The following DNAH6 variants were observed in gnomAD, a reference collection of about 807,000 sequenced individuals.
DNAH6 encodes axonemal beta dynein heavy chain 6.
In DNAH6, 340 loss-of-function variants were observed where a neutral mutation model predicts 491.4. The ratio of observed to expected loss-of-function variants is 0.69; its 90% CI spans 0.63 to 0.76. The LOEUF is 0.76. DNAH6 is among the 30% of genes least tolerant of loss of function. DNAH6 has a pLI of 0.00. For missense variants in DNAH6, 4,443 were observed against 4,972.2 expected, an observed-to-expected ratio of 0.89 and a Z score of 3.20; for synonymous variants, 1,603 against 1,686.1, an observed-to-expected ratio of 0.95 and a Z score of 1.21.
At chr2:84,553,445 C>A (rs1247201513) in intron 10 of DNAH6, among the ~76,000 whole-genome samples, 3 of 135,130 alleles carry the variant, frequency 2.2e-5, no homozygotes, top group Non-Finnish European at 1.6e-5. Context: ...TTTTCTCTTT[C>A]TCTCTCTCTT....
chr2:84,684,148 A>T (rs1005395573), intron 42 of DNAH6, among the ~76,000 whole-genome samples: 22 of 152,160 alleles, frequency 1.4e-4, no homozygotes, highest in Admixed American at 1.2e-3. Context: ...CTCTTCCTCC[A>T]CTGAAATCTT....
At chr2:84,674,931 A>G (rs893607690) in intron 40 of DNAH6, among the ~76,000 whole-genome samples, 1 of 152,142 alleles carries the variant, frequency 6.6e-6, no homozygotes, top group Non-Finnish European at 1.5e-5. Context: ...CTCCCTGCAC[A>G]TGCCCCACAG....
intron 71 of DNAH6, 50 bp downstream of exon 71, chr2:84,805,844 A>T (rs772133271): frequency 6.7e-7 from 1 of 1,501,322 alleles, no homozygotes; most frequent in South Asian, 1.3e-5. Context: ...TTAGGAATAA[A>T]CTCAGAGAAC....
intron 14 of DNAH6, among the ~76,000 whole-genome samples, chr2:84,583,353 A>T (rs1351400873): frequency 1.3e-5 from 2 of 152,218 alleles, no homozygotes; most frequent in African/African-American, 4.8e-5. Context: ...GAAAACTTTA[A>T]ATATTGGCAC....
intron 15 of DNAH6, 135 bp downstream of exon 15, chr2:84,584,385 A>G: frequency 1.1e-6 from 1 of 893,054 alleles, no homozygotes; most frequent in Non-Finnish European, 1.6e-6. Flanking sequence ...ATACGTATAC[A>G]TTGTGAAATT....
chr2:84,695,784 A>G (rs1252123944), intron 46 of DNAH6, among the ~76,000 whole-genome samples: 4 of 152,066 alleles, frequency 2.6e-5, no homozygotes, highest in Admixed American at 6.5e-5. Context: ...TAAAATTAAG[A>G]TATTTCTGAT....
chr2:84,588,245 T>C (rs970204971), intron 15 of DNAH6, among the ~76,000 whole-genome samples: 34 of 152,322 alleles, frequency 2.2e-4, no homozygotes, highest in African/African-American at 8.2e-4. Flanking sequence ...CTAACTAGCC[T>C]CCCTGAGCTA....
rs1202388916 is a variant in DNAH6, at chr2:84,785,651, A to G, written c.10995A>G (p.Arg3665=). The G allele has an allele frequency of 6.5e-7, 1 of 1,548,916 alleles. No individual in the cohort carries two copies. Among genetic ancestry groups the G allele is most frequent in the Non-Finnish European group, 8.7e-7 (1 of 1,146,104 alleles). Residue 3665 remains arginine (R), a synonymous_variant, in exon 67 of 77, where the codon AGA becomes AGG. Coordinates refer to ENST00000389394, the MANE Select transcript of DNAH6 (RefSeq NM_001370.2). ...EPPKGLRANI[R]RAFTEMTPSF... ...CAAAAGGCTTACGTGCAAATATCAGACGAGCATTTACTGAAATGACACCTT... is the reference window on the plus strand; with the variant it reads ...CAAAAGGCTTACGTGCAAATATCAGGCGAGCATTTACTGAAATGACACCTT...
At chr2:84,493,130 A>G in the DNAH6 span, among the ~76,000 whole-genome samples, 1 of 152,152 alleles carries the variant, frequency 6.6e-6, no homozygotes, top group African/African-American at 2.4e-5. Context: ...GCTATGATCC[A>G]GTGAAACTTT....
chr2:84,461,780 G>A, the DNAH6 span, among the ~76,000 whole-genome samples: 30 of 152,212 alleles, frequency 2.0e-4, no homozygotes, highest in South Asian at 6.3e-3. Context: ...ATTTCTATTT[G>A]TCTCAAAACT....
intron 13 of DNAH6, 24 bp from the exon 14 acceptor site, chr2:84,579,503 A>G (rs773507952): frequency 6.2e-7 from 1 of 1,611,186 alleles, no homozygotes; most frequent in South Asian, 1.1e-5. Context: ...ACTATTTACA[A>G]TTCACACGGT....
the DNAH6 span, among the ~76,000 whole-genome samples, chr2:84,479,970 G>C: frequency 6.6e-6 from 1 of 152,212 alleles, no homozygotes; most frequent in Non-Finnish European, 1.5e-5. Flanking sequence ...ATTAGTGAGA[G>C]TGCTGGGCTT....
At chr2:84,648,456 G>T (rs190062692) in intron 33 of DNAH6, among the ~76,000 whole-genome samples, 4 of 152,288 alleles carry the variant, frequency 2.6e-5, no homozygotes, top group African/African-American at 7.2e-5. Flanking sequence ...CTTCTGAAAA[G>T]GATTCATCAT....
At chr2:84,766,007 C>T (rs185147314) in intron 64 of DNAH6, among the ~76,000 whole-genome samples, 1 of 152,070 alleles carries the variant, frequency 6.6e-6, no homozygotes, top group East Asian at 1.9e-4. Context: ...AAACAATCCA[C>T]AAAGAAGAGA....
upstream of DNAH6, among the ~76,000 whole-genome samples, chr2:84,515,853 C>A (rs1188224411): frequency 6.6e-6 from 1 of 152,200 alleles, no homozygotes; most frequent in Non-Finnish European, 1.5e-5. Context: ...CCAGGGTCTG[C>A]TTTGGTAGAA....
chr2:84,797,405 A>C, intron 69 of DNAH6, 132 bp from the exon 70 acceptor site: 1 of 816,390 alleles, frequency 1.2e-6, no homozygotes. Context: ...AAAGCTTAGG[A>C]AAAACAATCC....
chr2:84,707,231 A>G (rs143410291), intron 53 of DNAH6, among the ~76,000 whole-genome samples: 3 of 152,356 alleles, frequency 2.0e-5, no homozygotes, highest in Admixed American at 1.3e-4. Flanking sequence ...AAAACACAAA[A>G]CAGTATGTGA....
chr2:84,477,231 C>G, the DNAH6 span, among the ~76,000 whole-genome samples: 5 of 152,152 alleles, frequency 3.3e-5, no homozygotes, highest in Non-Finnish European at 4.4e-5. Flanking sequence ...AGGGCAGGCT[C>G]ATGATCTACA....
chr2:84,471,455 T>C, the DNAH6 span, among the ~76,000 whole-genome samples: 1 of 152,334 alleles, frequency 6.6e-6, no homozygotes, highest in East Asian at 1.9e-4. Flanking sequence ...GTCCATTTTC[T>C]GTAACTTCTT....
Sources: gnomAD v4.1 joint callset for allele counts (sites outside exome capture counted in the v4.1 genomes callset) on GRCh38, gnomAD v4.1.1 for gene constraint, MANE v1.5 for transcripts, NCBI Gene and HGNC (gene_info 2026-07-23, HGNC 2026-07-21) for gene names.